TLE1: variants seen among roughly 807,000 people sequenced by gnomAD.
TLE1 encodes the protein TLE family member 1, transcriptional corepressor, also known as transducin-like enhancer protein 1.
Under a neutral mutation model 89.8 loss-of-function variants are expected in TLE1, and 21 were observed. The observed-to-expected ratio is 0.23, with a 90% CI of 0.17 to 0.34. TLE1 has a LOEUF of 0.34. Among genes scored for constraint, TLE1 ranks in the 10% least tolerant of loss-of-function variants. The probability of loss-of-function intolerance (pLI) is 1.00; values close to 1 mark genes in which losing one functional copy is unlikely to be tolerated. For missense variants in TLE1, 795 were observed against 1,031.2 expected (o/e 0.77, Z 3.14); for synonymous variants, 447 against 407.6 (o/e 1.10, Z -1.16).
intron 4 of TLE1, among the ~76,000 whole-genome samples, chr9:81,654,563 G>A (rs936144016): frequency 5.9e-5 from 9 of 152,102 alleles, no homozygotes; most frequent in East Asian, 3.9e-4. Context: ...GGATGGTCTC[G>A]ATCTCCTGAC....
At chr9:81,608,931 G>A (rs926768044) in intron 14 of TLE1, among the ~76,000 whole-genome samples, 18 of 149,066 alleles carry the variant, frequency 1.2e-4, no homozygotes, top group African/African-American at 2.5e-4. Flanking sequence ...GTGAAACTCC[G>A]TCTCAAAAAT....
intron 19 of TLE1, 23 bp downstream of exon 19, chr9:81,584,425 C>T: frequency 6.2e-7 from 1 of 1,613,826 alleles, no homozygotes; most frequent in Non-Finnish European, 8.5e-7. Context: ...AACTGTGGAT[C>T]TAGGTGAGGA....
intron 8 of TLE1, among the ~76,000 whole-genome samples, chr9:81,628,986 A>AG: frequency 6.6e-6 from 1 of 152,234 alleles, no homozygotes; most frequent in Admixed American, 6.5e-5. Context: ...TCTGCTCTGG[A>AG]GTCTCCTCCA....
intron 6 of TLE1, among the ~76,000 whole-genome samples, chr9:81,648,507 A>C (rs1041617721): frequency 6.6e-6 from 1 of 152,184 alleles, no homozygotes. Context: ...CAACTGAAAA[A>C]AACAAATATA....
rs1827069187 is a variant in TLE1, at chr9:81,634,168, C to T, written c.506G>A (p.Ser169Asn). The T allele has an allele frequency of 6.2e-7, 1 of 1,600,332 alleles. No individual in the cohort carries two copies. Among genetic ancestry groups the T allele is most frequent in the Non-Finnish European group, 8.5e-7 (1 of 1,172,144 alleles). ...CAAGTGAGACTGCCCACTCAGAGCA[C>T]TAGACAGCGCAAGAAGGCCGGCACT... ...GGSAGLLALS[S>N]ALSGQSHLAI... The change falls in exon 7 of 20, where the codon AGT becomes AAT. Residue 169 changes from serine (S) to asparagine (N), a missense_variant. Coordinates refer to ENST00000376499, the MANE Select transcript of TLE1 (RefSeq NM_005077.5).
At chr9:81,592,227 G>A (rs1829641812) in intron 15 of TLE1, among the ~76,000 whole-genome samples, 2 of 152,182 alleles carry the variant, frequency 1.3e-5, no homozygotes, top group South Asian at 4.1e-4. Flanking sequence ...GCGTGGTGGT[G>A]GGCGCCCGTA....
chr9:81,631,526 G>A lies in TLE1; in HGVS notation c.594+1822C>T, dbSNP rs144490089. 3.4e-4 allele frequency among the ~76,000 whole-genome samples: 51 copies of A among 152,232 alleles called. 1 individual carries two copies. Among genetic ancestry groups the A allele is most frequent in the African/African-American group, 1.1e-3 (46 of 41,528 alleles). ...GTAATTGTGTCACTCACTCCTCCTC[G>A]ATTCTCTGGGAAAGGGCTTTGTTGC... is the stretch of plus-strand genomic sequence containing the variant. On this transcript the variant is annotated intron_variant, in intron 8 of 19. Coordinates refer to ENST00000376499, the MANE Select transcript of TLE1 (RefSeq NM_005077.5).
At chr9:81,667,174 A>G (rs1399672881) in intron 4 of TLE1, among the ~76,000 whole-genome samples, 2 of 152,124 alleles carry the variant, frequency 1.3e-5, no homozygotes, top group South Asian at 2.1e-4. Flanking sequence ...GCATTTCGGG[A>G]GGCCGAGGCA....
chr9:81,662,361 T>TTGTGTGTGTGTGTGTGTG (rs371936084), intron 4 of TLE1, among the ~76,000 whole-genome samples: 262 of 138,458 alleles, frequency 1.9e-3, no homozygotes, highest in African/African-American at 2.3e-3. Flanking sequence ...TGTGCCTGTT[T>TTGTGTGTGTGTGTGTGTG]TGTGTGTGTG....
chr9:81,637,248 C>T lies in TLE1; in HGVS notation c.373-2947G>A, dbSNP rs150272397. On this transcript the variant is annotated intron_variant, in intron 6 of 19. Transcript: ENST00000376499. ...TGGTGCATGCCTGTAATCCCAGCTA[C>T]TTGAAAGGCTGAGGTGGGAGAATCG... 4.9e-3 allele frequency among the ~76,000 whole-genome samples: 748 copies of T among 152,224 alleles called. 7 individuals carry two copies. Among genetic ancestry groups the T allele is most frequent in the Non-Finnish European group, 6.5e-3 (439 of 68,006 alleles).
chr9:81,628,194 A>T (rs1245514238), intron 8 of TLE1, among the ~76,000 whole-genome samples: 1 of 152,134 alleles, frequency 6.6e-6, no homozygotes, highest in Non-Finnish European at 1.5e-5. Flanking sequence ...GGCATTCCCT[A>T]AGCACCTTCT....
At chr9:81,587,439 A>G (rs564301696) in intron 17 of TLE1, among the ~76,000 whole-genome samples, 35 of 152,378 alleles carry the variant, frequency 2.3e-4, no homozygotes, top group Admixed American at 2.0e-3. Context: ...ATATGTAAAT[A>G]TAACAGAGAA....
At position 81,625,911 on chromosome 9, in the gene TLE1, T is replaced by TAAAAAAAAAAAAAAAAAAAA. The variant is rs35467275; in HGVS notation, c.595-5374_595-5355dup. ...TCTGGAAAGTAACCTCAGAAACTACTAAAAAAAAAAAAAAAAAAAAAAGCA... is the reference window on the plus strand; with the variant it reads ...TCTGGAAAGTAACCTCAGAAACTACTAAAAAAAAAAAAAAAAAAAAAAAAAAAAAAAAAAAAAAAAAAGCA... On this transcript the variant is annotated intron_variant, in intron 8 of 19. Coordinates refer to ENST00000376499, the MANE Select transcript of TLE1 (RefSeq NM_005077.5). 1.4e-4 allele frequency among the ~76,000 whole-genome samples: 12 copies of TAAAAAAAAAAAAAAAAAAAA among 87,832 alleles called. 1 individual carries two copies. Among genetic ancestry groups the TAAAAAAAAAAAAAAAAAAAA allele is most frequent in the African/African-American group, 5.9e-4 (11 of 18,656 alleles). The allele number at this position is 87,832 out of a possible 152,430, so 57.6% of individuals were successfully genotyped here. A position where few individuals can be genotyped will look rare whatever the true frequency, so the allele number is the denominator to read the frequency against.
intron 16 of TLE1, among the ~76,000 whole-genome samples, chr9:81,588,406 C>T (rs59090455): frequency 6.6e-6 from 1 of 152,212 alleles, no homozygotes. Context: ...AGAAAGAGCC[C>T]TGCATTAGGA....
rs1358622120 is a variant in TLE1, at chr9:81,681,333, T to G, written c.234+4343A>C. ...GCGAAGCCGAGGCGGGGGGAATCAC[T>G]TGAGGTCAGGAGTTCGAGACCAGCC... On this transcript the variant is annotated intron_variant, in intron 4 of 19. Transcript: ENST00000376499. 2.6e-5 allele frequency among the ~76,000 whole-genome samples: 4 copies of G among 152,186 alleles called. No individual in the cohort carries two copies. In the East Asian group the frequency reaches 7.8e-4, roughly 30 times the overall value.
At chr9:81,652,714 C>T (rs1172283685) in intron 5 of TLE1, among the ~76,000 whole-genome samples, 1 of 151,944 alleles carries the variant, frequency 6.6e-6, no homozygotes, top group African/African-American at 2.4e-5. Flanking sequence ...TTTGGGAGGC[C>T]AAGACAGGGT....
Position 81,657,049 on chromosome 9 carries a change from TA to T in TLE1, c.235-3014del, listed in dbSNP as rs1224253696. 2.0e-5 allele frequency among the ~76,000 whole-genome samples: 3 copies of T among 152,358 alleles called. No individual in the cohort carries two copies. The East Asian group carries it at 5.8e-4, about 29-fold the overall frequency. On this transcript the variant is annotated intron_variant, in intron 4 of 19. Transcript: ENST00000376499. ...TTTAATCTTCATCCATCTAATGGAT[TA>T]AAAAATGACCTCATTTTTATTTGCA...
chr9:81,673,760 TG>T (rs1300708277), intron 4 of TLE1, among the ~76,000 whole-genome samples: 2 of 152,102 alleles, frequency 1.3e-5, no homozygotes, highest in Admixed American at 6.6e-5. Context: ...GCTCCACGGA[TG>T]GGGGCTATGA....
intron 9 of TLE1, among the ~76,000 whole-genome samples, chr9:81,619,597 G>T (rs1824977999): frequency 6.6e-6 from 1 of 152,204 alleles, no homozygotes; most frequent in Non-Finnish European, 1.5e-5. Context: ...ACCTCTTCCT[G>T]CAAGGGCATC....
Sources: allele counts gnomAD v4.1 joint callset (sites outside exome capture counted in the v4.1 genomes callset), GRCh38; gene constraint gnomAD v4.1.1; transcripts MANE v1.5; gene names NCBI Gene and HGNC (gene_info 2026-07-23, HGNC 2026-07-21).